The following IFNLR1 variants were observed in gnomAD, a reference collection of about 807,000 sequenced individuals.
The protein encoded by IFNLR1 is CRF2-12.
In IFNLR1, 28 loss-of-function variants were observed where a neutral mutation model predicts 52.5. That is an observed-to-expected ratio of 0.53 (90% CI 0.40 to 0.73). The LOEUF (loss-of-function observed/expected upper bound fraction) is 0.73. Ranked by LOEUF, IFNLR1 falls within the 30% of genes least tolerant of loss-of-function variation. The pLI is 0.00. For synonymous variants in IFNLR1, 276 were observed against 274.9 expected, an observed-to-expected ratio of 1.00 and a Z score of -0.04; for missense variants, 623 against 659.1, an observed-to-expected ratio of 0.95 and a Z score of 0.60.
intron 6 of IFNLR1, 26 bp downstream of exon 6, chr1:24,159,026 G>A: frequency 6.2e-7 from 1 of 1,609,306 alleles, no homozygotes; most frequent in Non-Finnish European, 8.5e-7. Flanking sequence ...CTCCCCACCT[G>A]CTGCACACCC....
chr1:24,181,182 C>T (rs1057158083), intron 1 of IFNLR1, among the ~76,000 whole-genome samples: 9 of 152,216 alleles, frequency 5.9e-5, no homozygotes, highest in Non-Finnish European at 1.0e-4. Flanking sequence ...GCCTGCCTGC[C>T]ATGGCCTCAG....
rs988266131 is a variant in IFNLR1, at chr1:24,187,194, G to C, written c.55C>G (p.Pro19Ala). The C allele has an allele frequency of 2.2e-6, 3 of 1,354,936 alleles. No homozygotes were observed. Among genetic ancestry groups the C allele is most frequent in the Non-Finnish European group, 2.8e-6 (3 of 1,053,350 alleles). The allele number at this position is 1,354,936 out of a possible 1,614,324, so 83.9% of individuals were successfully genotyped here. Reference protein sequence around the residue: ...PLLLCLLQAAPGRPRLAPPQN... With the variant: ...PLLLCLLQAAAGRPRLAPPQN... ...TCCCGCGGCCCCGCGCCCTTACCTG[G>C]AGCGGCCTGCAGCAGGCACAGGAGC... The change falls in exon 1 of 7, where the codon CCA (proline) becomes GCA (alanine). Residue 19 changes from proline to alanine, a missense_variant. By Grantham distance (27) the Pro-to-Ala change is conservative (BLOSUM62 -1). Coordinates refer to ENST00000327535, the MANE Select transcript of IFNLR1 (RefSeq NM_170743.4).
At chr1:24,158,246 AT>A (rs1644403561) in intron 6 of IFNLR1, among the ~76,000 whole-genome samples, 1 of 152,208 alleles carries the variant, frequency 6.6e-6, no homozygotes, top group Non-Finnish European at 1.5e-5. Context: ...AGCCTGCCAC[AT>A]GCAGGGGCAA....
chr1:24,159,692 C>T (rs1644420605), intron 4 of IFNLR1, 59 bp from the exon 5 acceptor site: 48 of 1,445,116 alleles, frequency 3.3e-5, no homozygotes, highest in South Asian at 5.9e-5. Flanking sequence ...TTCACACAGC[C>T]AGGACAGAGT....
chr1:24,165,281 A>G (rs1351525841), intron 3 of IFNLR1, among the ~76,000 whole-genome samples: 2 of 152,174 alleles, frequency 1.3e-5, no homozygotes, highest in African/African-American at 4.8e-5. Flanking sequence ...TGTGTCCCAT[A>G]TGACTGCAGG....
At chr1:24,168,783 G>A (rs541026554) in intron 3 of IFNLR1, among the ~76,000 whole-genome samples, 3 of 151,484 alleles carry the variant, frequency 2.0e-5, no homozygotes, top group Non-Finnish European at 4.4e-5. Context: ...ACGCTCTGTC[G>A]CCCAGGCTGG....
At chr1:24,180,642 C>T in intron 2 of IFNLR1, 89 bp downstream of exon 2, 2 of 1,348,158 alleles carry the variant, frequency 1.5e-6, no homozygotes, top group South Asian at 2.6e-5. Flanking sequence ...GTGCTGCCCA[C>T]ACTGGGTGCA....
At chr1:24,182,964 G>C (rs1367182967) in intron 1 of IFNLR1, among the ~76,000 whole-genome samples, 1 of 148,680 alleles carries the variant, frequency 6.7e-6, no homozygotes, top group African/African-American at 2.5e-5. Context: ...CACAACATCT[G>C]TCATATACAT....
chr1:24,169,267 C>G lies in IFNLR1; in HGVS notation c.367+150G>C. On this transcript the variant is annotated intron_variant, in intron 3 of 6. Coordinates refer to ENST00000327535, the MANE Select transcript of IFNLR1 (RefSeq NM_170743.4). ...GTCCCTCGCTGTTGCTGGTCCCACA[C>G]CCCATCTCAAAGGGCCTGGCCCAGG... The G allele has an allele frequency of 5.8e-6, 4 of 689,356 alleles. No individual in the cohort carries two copies. In the South Asian group the frequency reaches 7.8e-5, roughly 13 times the overall value. The allele number at this position is 689,356 out of a possible 1,614,324, so 42.7% of individuals were successfully genotyped here.
At chr1:24,180,680 C>CCCCCCCCCCCCCCCCTCATACCACA in intron 2 of IFNLR1, 51 bp downstream of exon 2, 1 of 1,180,758 alleles carries the variant, frequency 8.5e-7, no homozygotes, top group Non-Finnish European at 1.2e-6. Context: ...CCTCCAGCCC[C>CCCCCCCCCCCCCCCCTCATACCACA]CACCCACCCC....
chr1:24,168,745 CTTTG>C (rs1466694380), intron 3 of IFNLR1, among the ~76,000 whole-genome samples: 1 of 148,466 alleles, frequency 6.7e-6, no homozygotes, highest in East Asian at 2.0e-4. Flanking sequence ...GTTTTTTTTT[CTTTG>C]TTTATTAATT....
chr1:24,186,602 G>A (rs1283083352), intron 1 of IFNLR1, among the ~76,000 whole-genome samples: 1 of 152,110 alleles, frequency 6.6e-6, no homozygotes, highest in Non-Finnish European at 1.5e-5. Flanking sequence ...GTGAGGTTTG[G>A]TGGTTGGGTC....
intron 2 of IFNLR1, among the ~76,000 whole-genome samples, chr1:24,177,981 T>C (rs756203668): frequency 2.0e-5 from 3 of 152,128 alleles, no homozygotes; most frequent in Non-Finnish European, 2.9e-5. Flanking sequence ...AGGCATTTTA[T>C]CTTAAAAATT....
At chr1:24,179,424 A>G (rs1227179752) in intron 2 of IFNLR1, among the ~76,000 whole-genome samples, 1 of 152,218 alleles carries the variant, frequency 6.6e-6, no homozygotes, top group Non-Finnish European at 1.5e-5. Context: ...ACATGTGTTG[A>G]CACAGTGCCA....
chr1:24,162,713 TTC>T (rs374894361), intron 3 of IFNLR1, among the ~76,000 whole-genome samples: 5,125 of 38,352 alleles, frequency 0.13, 279 homozygotes, highest in East Asian at 0.25. Flanking sequence ...TTTCTTTTCT[TTC>T]TTTCTTTCTT....
chr1:24,159,724 G>T, intron 4 of IFNLR1, 91 bp from the exon 5 acceptor site: 4 of 774,178 alleles, frequency 5.2e-6, no homozygotes, highest in Non-Finnish European at 7.0e-6. Context: ...ACATGGTAGG[G>T]TGTTTTTTTT....
intron 2 of IFNLR1, among the ~76,000 whole-genome samples, chr1:24,174,856 C>G (rs1644616364): frequency 6.6e-6 from 1 of 150,702 alleles, no homozygotes; most frequent in African/African-American, 2.5e-5. Context: ...AATTTTCAGC[C>G]TATCCACATT....
Position 24,159,501 on chromosome 1 carries a change from G to T in IFNLR1, c.643C>A (p.Pro215Thr), listed in dbSNP as rs1207783761. 9 of 1,614,174 alleles carry T rather than the reference G, an allele frequency of 5.6e-6. No homozygotes were observed. Among genetic ancestry groups the T allele is most frequent in the Non-Finnish European group, 7.6e-6 (9 of 1,180,022 alleles). The change falls in exon 5 of 7, where the codon CCC (proline) becomes ACC (threonine). Residue 215 changes from proline (P) to threonine (T), a missense_variant. Coordinates refer to ENST00000327535, the MANE Select transcript of IFNLR1 (RefSeq NM_170743.4). ...SVPKYSKFSK[P>T]TCFLLEVPEA... The stretch of plus-strand genomic sequence containing the variant: ...GGGACCTCCAGCAAGAAGCAGGTGG[G>T]CTTAGAGAACTTGCTGTATTTCGGG...
chr1:24,156,833 C>T lies in IFNLR1; in HGVS notation c.*297G>A. The T allele has an allele frequency of 4.8e-6, 2 of 416,850 alleles. No homozygotes were observed. The highest frequency in any genetic ancestry group is 8.6e-6 in the Non-Finnish European group (2 of 233,490). The allele number at this position is 416,850 out of a possible 1,614,324, so 25.8% of individuals were successfully genotyped here. On this transcript the variant is annotated 3_prime_UTR_variant, in exon 7 of 7. Transcript: ENST00000327535. ...TTCATGTTGTCCGGGGATAATTTTT[C>T]CCCCTGGCCTGTCACCCTAGGGACA...
Sources: gnomAD v4.1 joint callset for allele counts (sites outside exome capture counted in the v4.1 genomes callset) on GRCh38, gnomAD v4.1.1 for gene constraint, MANE v1.5 for transcripts, NCBI Gene and HGNC (gene_info 2026-07-23, HGNC 2026-07-21) for gene names.